PRIM2: variants seen among roughly 807,000 people sequenced by gnomAD.
PRIM2 encodes DNA primase large subunit.
PRIM2 carries 39 observed loss-of-function variants against 67.3 expected under a neutral mutation model. The observed-to-expected ratio is 0.58, with a 90% CI of 0.45 to 0.76. The LOEUF (loss-of-function observed/expected upper bound fraction) is 0.76, where lower values mean the gene tolerates loss of function less well. Ranked by LOEUF, PRIM2 falls within the 30% of genes least tolerant of loss-of-function variation. PRIM2 has a pLI of 0.00. For synonymous variants in PRIM2, 143 were observed against 198.7 expected (o/e 0.72, Z 2.36); for missense variants, 398 against 598.7 (o/e 0.66, Z 3.50).
At chr6:57,593,550 G>A (rs1174988866) in intron 10 of PRIM2, among the ~76,000 whole-genome samples, 12 of 152,254 alleles carry the variant, frequency 7.9e-5, no homozygotes, top group Admixed American at 3.3e-4. Context: ...TGATCCATCC[G>A]CCTCGGCCTC....
At chr6:57,320,711 T>C (rs1054990684) in intron 3 of PRIM2, 151 bp downstream of exon 3, 2 of 158,710 alleles carry the variant, frequency 1.3e-5, no homozygotes, top group Non-Finnish European at 2.7e-5. Flanking sequence ...TAGGGGTGAT[T>C]GACATGAAGT....
At chr6:57,578,341 CT>C (rs1431703198) in intron 10 of PRIM2, among the ~76,000 whole-genome samples, 1 of 152,080 alleles carries the variant, frequency 6.6e-6, no homozygotes, top group Non-Finnish European at 1.5e-5. Context: ...TGTAAATATC[CT>C]GTTTCCCCAC....
intron 9 of PRIM2, 93 bp from the exon 10 acceptor site, chr6:57,537,347 C>A: frequency 3.4e-6 from 2 of 590,626 alleles, no homozygotes; most frequent in Non-Finnish European, 2.7e-6. Context: ...TTTTTTTATT[C>A]CAATTAAATT....
At chr6:57,294,353 C>T in the PRIM2 span, among the ~76,000 whole-genome samples, 3 of 152,040 alleles carry the variant, frequency 2.0e-5, no homozygotes, top group South Asian at 4.1e-4. Flanking sequence ...TGATGGTACA[C>T]ACCTGTAATC....
At chr6:57,379,500 T>C (rs1206422276) in intron 5 of PRIM2, among the ~76,000 whole-genome samples, 1 of 152,192 alleles carries the variant, frequency 6.6e-6, no homozygotes, top group Non-Finnish European at 1.5e-5. Context: ...AATTGAGAAA[T>C]AGTCAAACCA....
chr6:57,500,855 T>C (rs1554346786), intron 7 of PRIM2, among the ~76,000 whole-genome samples: 1 of 148,516 alleles, frequency 6.7e-6, no homozygotes, highest in Non-Finnish European at 1.5e-5. Context: ...AAAAGAGAGA[T>C]AAGCTAAAGT....
At chr6:57,406,619 C>T (rs1204340183) in intron 7 of PRIM2, among the ~76,000 whole-genome samples, 10 of 151,802 alleles carry the variant, frequency 6.6e-5, no homozygotes, top group African/African-American at 9.7e-5. Context: ...AAATGAAAAT[C>T]GTCTGAGACT....
At chr6:57,434,763 T>G (rs1771957681) in intron 7 of PRIM2, among the ~76,000 whole-genome samples, 1 of 151,952 alleles carries the variant, frequency 6.6e-6, no homozygotes, top group South Asian at 2.1e-4. Flanking sequence ...GTCTCTGCTC[T>G]CTCTCTCTTT....
the PRIM2 span, among the ~76,000 whole-genome samples, chr6:57,234,387 A>G: frequency 3.9e-5 from 6 of 152,246 alleles, no homozygotes; most frequent in Admixed American, 3.9e-4. Flanking sequence ...CACTGTTGGT[A>G]TTCTCCAGCG....
intron 12 of PRIM2, among the ~76,000 whole-genome samples, chr6:57,609,662 G>A (rs1325806209): frequency 3.2e-4 from 48 of 152,176 alleles, no homozygotes; most frequent in South Asian, 2.1e-4. Flanking sequence ...TTACTTAGCT[G>A]AAGCTGGTTA....
chr6:57,231,447 T>C, the PRIM2 span, among the ~76,000 whole-genome samples: 1 of 152,258 alleles, frequency 6.6e-6, no homozygotes, highest in Non-Finnish European at 1.5e-5. Flanking sequence ...TCTCAATATA[T>C]GACAGATAAA....
chr6:57,607,375 A>T (rs1776583583), intron 12 of PRIM2, among the ~76,000 whole-genome samples: 2 of 152,068 alleles, frequency 1.3e-5, no homozygotes, highest in Admixed American at 6.5e-5. Context: ...TGTCTGAAAA[A>T]AAAAACATAA....
chr6:57,286,646 A>G, the PRIM2 span, among the ~76,000 whole-genome samples: 15 of 152,340 alleles, frequency 9.8e-5, no homozygotes, highest in South Asian at 3.1e-3. Flanking sequence ...ACCTAAAAGT[A>G]TAAAAACCCT....
chr6:57,446,934 T>G (rs1772387520), intron 7 of PRIM2, among the ~76,000 whole-genome samples: 1 of 152,142 alleles, frequency 6.6e-6, no homozygotes, highest in East Asian at 1.9e-4. Flanking sequence ...CATTTACCCT[T>G]GTGGTACCTC....
chr6:57,624,558 C>G (rs1329445211), intron 12 of PRIM2, among the ~76,000 whole-genome samples: 49 of 152,168 alleles, frequency 3.2e-4, no homozygotes, highest in African/African-American at 1.2e-3. Flanking sequence ...GAAGAGAATG[C>G]TTCATATAAG....
intron 7 of PRIM2, among the ~76,000 whole-genome samples, chr6:57,412,564 A>G (rs1459273231): frequency 6.6e-5 from 10 of 151,942 alleles, no homozygotes; most frequent in East Asian, 1.9e-4. Context: ...TCCACATGAT[A>G]TACGAGAAGA....
At chr6:57,387,638 G>A (rs1395254512) in intron 7 of PRIM2, among the ~76,000 whole-genome samples, 2 of 152,162 alleles carry the variant, frequency 1.3e-5, no homozygotes, top group Non-Finnish European at 2.9e-5. Context: ...CACAGAGCAG[G>A]CCCAAGGGGT....
intron 7 of PRIM2, among the ~76,000 whole-genome samples, chr6:57,455,583 G>GT (rs1264486322): frequency 1.3e-5 from 2 of 152,136 alleles, no homozygotes; most frequent in Non-Finnish European, 2.9e-5. Flanking sequence ...TTTAAAGTCT[G>GT]TTTTATCAGA....
At chr6:57,483,701 G>A (rs1773682069) in intron 7 of PRIM2, among the ~76,000 whole-genome samples, 1 of 152,188 alleles carries the variant, frequency 6.6e-6, no homozygotes, top group African/African-American at 2.4e-5. Context: ...AAGAGAATGG[G>A]AACAGTGAAT....
Sources: allele counts gnomAD v4.1 joint callset (sites outside exome capture counted in the v4.1 genomes callset), GRCh38; gene constraint gnomAD v4.1.1; transcripts MANE v1.5; gene names NCBI Gene and HGNC (gene_info 2026-07-23, HGNC 2026-07-21).